Variants in GZMK observed in about 807,000 individuals in gnomAD.
GZMK encodes granzyme K, also known as NK-Tryp-2.
Under a neutral mutation model 22.8 loss-of-function variants are expected in GZMK, and 18 were observed. The observed-to-expected ratio is 0.79, with a 90% CI of 0.54 to 1.17. The LOEUF (loss-of-function observed/expected upper bound fraction) is 1.17. Among genes scored for constraint, GZMK ranks in the 50% most tolerant of loss-of-function variants. The pLI is 0.00. For synonymous variants in GZMK, 136 were observed against 115.0 expected, an observed-to-expected ratio of 1.18 and a Z score of -1.17; for missense variants, 342 against 320.2, an observed-to-expected ratio of 1.07 and a Z score of -0.52.
chr5:55,030,331 T>G, intron 2 of GZMK, 103 bp from the exon 3 acceptor site: 1 of 1,018,402 alleles, frequency 9.8e-7, no homozygotes, highest in Non-Finnish European at 1.5e-6. Context: ...ACCTTGGAGA[T>G]AGCCCTTGTT....
intron 2 of GZMK, 82 bp from the exon 3 acceptor site, chr5:55,030,352 T>C (rs1173957253): frequency 2.3e-6 from 3 of 1,307,324 alleles, no homozygotes; most frequent in Non-Finnish European, 3.3e-6. Flanking sequence ...TCTCTGTGTA[T>C]ACAACCCTCT....
chr5:55,029,542 T>TTTTGTTTGTTTGTTTG (rs72151093), intron 2 of GZMK, among the ~76,000 whole-genome samples: 15 of 150,504 alleles, frequency 1.0e-4, no homozygotes, highest in Non-Finnish European at 1.5e-4. Flanking sequence ...TCTTTGTGGT[T>TTTTGTTTGTTTGTTTG]TTTGTTTGTT....
chr5:55,028,931 C>T (rs779199764), intron 2 of GZMK, among the ~76,000 whole-genome samples: 2 of 152,092 alleles, frequency 1.3e-5, no homozygotes, highest in Non-Finnish European at 2.9e-5. Context: ...TGTGTATGAC[C>T]AGAGATTTAA....
chr5:55,024,577 T>C, intron 1 of GZMK, 83 bp from the exon 2 acceptor site: 1 of 1,045,738 alleles, frequency 9.6e-7, no homozygotes, highest in South Asian at 1.6e-5. Flanking sequence ...GCTTTGAAAA[T>C]AATATAGTGA....
intron 4 of GZMK, 80 bp downstream of exon 4, chr5:55,031,713 G>C: frequency 8.7e-7 from 1 of 1,149,780 alleles, no homozygotes; most frequent in Admixed American, 2.0e-5. Flanking sequence ...CACTGAGGAG[G>C]AGGGAGGGGC....
chr5:55,030,977 G>A (rs888872817), intron 3 of GZMK, among the ~76,000 whole-genome samples: 1 of 152,186 alleles, frequency 6.6e-6, no homozygotes, highest in East Asian at 1.9e-4. Flanking sequence ...TTACAGCTTA[G>A]TCTAGACCAC....
In GZMK at chr5:55,031,599, C is replaced by G. The variant is rs1232791636; in HGVS notation, c.599C>G (p.Ala200Gly). The G allele has an allele frequency of 6.2e-7, 1 of 1,613,744 alleles. No homozygotes were observed. Among genetic ancestry groups the G allele is most frequent in the South Asian group, 1.1e-5 (1 of 91,064 alleles). Residue 200 changes from alanine to glycine, a missense_variant, in exon 4 of 5, where the codon GCA (alanine) becomes GGA (glycine). Coordinates refer to ENST00000231009, the MANE Select transcript of GZMK (RefSeq NM_002104.3). The stretch of plus-strand genomic sequence containing the variant: ...TTTATCACCAAAGACATGGTCTGTG[C>G]AGGAGATGCCAAAGGCCAGAAGGAT... ...DPFITKDMVC[A>G]GDAKGQKDSC... is the part of the protein sequence containing the mutation.
chr5:55,032,506 T>C (rs1174256067), intron 4 of GZMK: 1 of 152,260 alleles, frequency 6.6e-6, no homozygotes, highest in East Asian at 1.9e-4. Context: ...CCAAGGTGGA[T>C]GGATCTGTTG....
chr5:55,028,777 T>C (rs1741175076), intron 2 of GZMK, among the ~76,000 whole-genome samples: 1 of 152,248 alleles, frequency 6.6e-6, no homozygotes. Context: ...TAATGGAATG[T>C]ATCTGTAGTA....
intron 2 of GZMK, chr5:55,025,748 C>A (rs183303756): frequency 6.6e-6 from 1 of 152,286 alleles, no homozygotes; most frequent in East Asian, 1.9e-4. Context: ...GGTTTGCTCT[C>A]CAGGCATTGT....
Position 55,030,468 on chromosome 5 carries a change from G to T in GZMK, c.247G>T (p.Gly83Cys). The change falls in exon 3 of 5, where the codon GGC becomes TGC. Residue 83 changes from glycine (G) to cysteine (C), a missense_variant. Coordinates refer to ENST00000231009, the MANE Select transcript of GZMK (RefSeq NM_002104.3). ...TKGQSPTVVL[G>C]AHSLSKNEAS... ...AGGCCAGTCTCCCACTGTGGTTTTA[G>T]GCGCACACTCTCTCTCAAAGAATGA... The T allele has an allele frequency of 6.2e-7, 1 of 1,613,906 alleles. No individual in the cohort carries two copies. The highest frequency in any genetic ancestry group is 8.5e-7 in the Non-Finnish European group (1 of 1,179,868).
At position 55,024,369 on chromosome 5, in the gene GZMK, C is replaced by A; in HGVS notation, c.47C>A (p.Ala16Asp). 1 of 1,465,656 alleles carries A rather than the reference C, an allele frequency of 6.8e-7. No individual in the cohort carries two copies. Among genetic ancestry groups the A allele is most frequent in the Non-Finnish European group, 9.6e-7 (1 of 1,046,650 alleles). The allele number at this position is 1,465,656 out of a possible 1,614,324, so 90.8% of individuals were successfully genotyped here. A position where few individuals can be genotyped will look rare whatever the true frequency, so the allele number is the denominator to read the frequency against. The part of the protein sequence containing the change: ...SFSLFFLIVG[A>D]YMTHVCFNME... ...TCTCTGTTTTTCCTAATAGTTGGGG[C>A]TTATATGACTCATGTGTGTAAGTAT... The change falls in exon 1 of 5, where the codon GCT becomes GAT. Residue 16 changes from alanine to aspartate, a missense_variant. Ala to Asp is a moderately radical substitution (Grantham distance 126). Coordinates refer to ENST00000231009, the MANE Select transcript of GZMK (RefSeq NM_002104.3).
At position 55,024,661 on chromosome 5, in the gene GZMK, T is replaced by C. The variant is rs1165856998; in HGVS notation, c.66T>C (p.Cys22=). The change falls in exon 2 of 5, where the codon TGT becomes TGC. Residue 22 remains cysteine, a splice_region_variant and synonymous_variant. Transcript: ENST00000231009. ...AAACCTTTTGGTCTACTTTTGTAGGTTTCAATATGGAAATTATTGGAGGGA... is the reference window on the plus strand; with the variant it reads ...AAACCTTTTGGTCTACTTTTGTAGGCTTCAATATGGAAATTATTGGAGGGA... ...LIVGAYMTHV[C]FNMEIIGGKE... is the part of the protein sequence containing the mutation. The C allele has an allele frequency of 6.2e-7, 1 of 1,603,560 alleles. No homozygotes were observed.
Position 55,031,371 on chromosome 5 carries a change from C to T in GZMK, c.371C>T (p.Thr124Ile), listed in dbSNP as rs760032485. 3.1e-6 allele frequency: 5 copies of T among 1,612,094 alleles called. No individual in the cohort carries two copies. The South Asian group carries it at 5.5e-5, about 18-fold the overall frequency. ...SNDIMLVKLQ[T>I]AAKLNKHVKM... ...CTTTTTTCAATCTGTCAGCTTCAAA[C>T]AGCCGCAAAACTCAATAAACATGTC... The change falls in exon 4 of 5, where the codon ACA becomes ATA. Residue 124 changes from threonine (T) to isoleucine (I), a missense_variant. Thr to Ile is a moderately conservative substitution (Grantham distance 89). Coordinates refer to ENST00000231009, the MANE Select transcript of GZMK (RefSeq NM_002104.3).
In GZMK at chr5:55,034,073, T is replaced by G; in HGVS notation, c.*147T>G. 1.8e-6 allele frequency: 1 copy of G among 569,100 alleles called. No homozygotes were observed. 35.3% of individuals were successfully genotyped at this position (569,100 alleles called of 1,614,324 possible). A position where few individuals can be genotyped will look rare whatever the true frequency, so the allele number is the denominator to read the frequency against. ...ATTAAGGAATCAAGTTCTTTTTCACTTGTATCACTGATGTATTTCTACCAT... is the reference window on the plus strand; with the variant it reads ...ATTAAGGAATCAAGTTCTTTTTCACGTGTATCACTGATGTATTTCTACCAT... On this transcript the variant is annotated 3_prime_UTR_variant, in exon 5 of 5. Coordinates refer to ENST00000231009, the MANE Select transcript of GZMK (RefSeq NM_002104.3).
At chr5:55,030,290 C>T (rs1741205275) in intron 2 of GZMK, 144 bp from the exon 3 acceptor site, 4 of 708,262 alleles carry the variant, frequency 5.6e-6, no homozygotes, top group Admixed American at 2.8e-5. Context: ...CCACTAAGAC[C>T]TTTGTCACTC....
At chr5:55,027,960 G>C (rs1285120532) in intron 2 of GZMK, among the ~76,000 whole-genome samples, 1 of 152,148 alleles carries the variant, frequency 6.6e-6, no homozygotes, top group Non-Finnish European at 1.5e-5. Flanking sequence ...GTAATTCCAG[G>C]TACCCTGTGG....
intron 1 of GZMK, 21 bp downstream of exon 1, chr5:55,024,407 C>T (rs771626627): frequency 4.6e-6 from 5 of 1,080,974 alleles, no homozygotes. Flanking sequence ...CCTATATCTA[C>T]ATGTAAACAT....
At chr5:55,026,978 T>C (rs1334941841) in intron 2 of GZMK, 2 of 152,036 alleles carry the variant, frequency 1.3e-5, no homozygotes, top group Non-Finnish European at 2.9e-5. Flanking sequence ...CCTCACTCCA[T>C]CTCAAATGCT....
Sources: allele counts gnomAD v4.1 joint callset (sites outside exome capture counted in the v4.1 genomes callset), GRCh38; gene constraint gnomAD v4.1.1; transcripts MANE v1.5; gene names NCBI Gene and HGNC (gene_info 2026-07-23, HGNC 2026-07-21).